Variants in SND1 observed in about 807,000 individuals in gnomAD.
SND1 encodes staphylococcal nuclease and tudor domain containing 1.
In SND1, 38 loss-of-function variants were observed where a neutral mutation model predicts 121.7. The observed-to-expected ratio is 0.31, with a 90% confidence interval of 0.24 to 0.41. The LOEUF is 0.41. Among genes scored for constraint, SND1 ranks in the 10% least tolerant of loss-of-function variants. SND1 has a pLI of 1.00. For synonymous variants in SND1, 401 were observed against 447.4 expected, an observed-to-expected ratio of 0.90 and a Z score of 1.31; for missense variants, 868 against 1,184.6, an observed-to-expected ratio of 0.73 and a Z score of 3.92.
chr7:127,745,465 TTTTG>T (rs1046803921), intron 10 of SND1, among the ~76,000 whole-genome samples: 11 of 152,330 alleles, frequency 7.2e-5, no homozygotes, highest in African/African-American at 2.6e-4. Flanking sequence ...ATTCAGATTT[TTTTG>T]TTTGTTTGTT....
intron 1 of SND1, among the ~76,000 whole-genome samples, chr7:127,656,690 G>A (rs569579770): frequency 2.0e-5 from 3 of 152,260 alleles, no homozygotes; most frequent in Non-Finnish European, 4.4e-5. Flanking sequence ...CGTGTACTTC[G>A]CTCATGCAGG....
chr7:127,979,985 G>GC (rs1270417463), intron 15 of SND1, among the ~76,000 whole-genome samples: 2 of 152,136 alleles, frequency 1.3e-5, no homozygotes, highest in Non-Finnish European at 2.9e-5. Flanking sequence ...CCCACAGCTG[G>GC]CCCAGGATTC....
intron 11 of SND1, among the ~76,000 whole-genome samples, chr7:127,815,527 A>G (rs1365781457): frequency 2.6e-5 from 4 of 151,936 alleles, no homozygotes; most frequent in Non-Finnish European, 5.9e-5. Context: ...AGAAGAAGAG[A>G]AGGAGGAGGA....
chr7:128,017,228 G>A (rs1026650363), intron 16 of SND1, among the ~76,000 whole-genome samples: 1 of 152,150 alleles, frequency 6.6e-6, no homozygotes, highest in Non-Finnish European at 1.5e-5. Context: ...TGGAGGTTAG[G>A]GTAGGGAGGT....
chr7:127,719,236 C>CCAGT (rs1403529247), intron 9 of SND1, among the ~76,000 whole-genome samples: 1 of 152,078 alleles, frequency 6.6e-6, no homozygotes, highest in Non-Finnish European at 1.5e-5. Flanking sequence ...TCTTTTTGGT[C>CCAGT]AATTGTCCAA....
At chr7:127,755,020 G>T (rs1309410070) in intron 10 of SND1, among the ~76,000 whole-genome samples, 3 of 152,156 alleles carry the variant, frequency 2.0e-5, no homozygotes, top group Non-Finnish European at 2.9e-5. Flanking sequence ...GCTCTACTTA[G>T]TTCAGGGGGC....
At chr7:127,990,013 A>G (rs767337468) in intron 15 of SND1, among the ~76,000 whole-genome samples, 1 of 152,162 alleles carries the variant, frequency 6.6e-6, no homozygotes, top group Non-Finnish European at 1.5e-5. Context: ...AGTATGAAGG[A>G]TAGGATTCTG....
intron 15 of SND1, among the ~76,000 whole-genome samples, chr7:127,929,917 G>A (rs2116820027): frequency 6.6e-6 from 1 of 152,330 alleles, no homozygotes; most frequent in South Asian, 2.1e-4. Flanking sequence ...CTGACTTAAT[G>A]TGTGTCTTAC....
chr7:127,660,009 CTTTTTTT>C (rs58679623), intron 1 of SND1, among the ~76,000 whole-genome samples: 1 of 133,734 alleles, frequency 7.5e-6, no homozygotes, highest in Non-Finnish European at 1.6e-5. Context: ...TGTTCCTATT[CTTTTTTT>C]TTTTTTTTTC....
chr7:127,799,782 T>G (rs1798095879), intron 10 of SND1, among the ~76,000 whole-genome samples: 1 of 152,206 alleles, frequency 6.6e-6, no homozygotes, highest in Non-Finnish European at 1.5e-5. Flanking sequence ...GTATTTTGAG[T>G]GGAGAGAATG....
At chr7:128,031,651 C>T (rs1173642456) in intron 16 of SND1, 1 of 147,194 alleles carries the variant, frequency 6.8e-6, no homozygotes, top group African/African-American at 2.4e-5. Flanking sequence ...CGGACCCGGT[C>T]CGCCGGCCGG....
intron 16 of SND1, chr7:128,030,821 C>G (rs1016066935): frequency 1.4e-6 from 1 of 706,316 alleles, no homozygotes; most frequent in South Asian, 2.3e-5. Flanking sequence ...TCGAGCGGCC[C>G]CTGGTCTCCC....
chr7:128,073,024 G>A (rs531743205), intron 16 of SND1, among the ~76,000 whole-genome samples: 2 of 152,328 alleles, frequency 1.3e-5, no homozygotes, highest in African/African-American at 4.8e-5. Context: ...GTGAGCTGCA[G>A]GGTCCCACGG....
intron 16 of SND1, among the ~76,000 whole-genome samples, chr7:128,013,172 T>C (rs913432437): frequency 2.0e-5 from 3 of 152,144 alleles, no homozygotes; most frequent in African/African-American, 7.2e-5. Context: ...GCCTCATCTG[T>C]GTTTCTTCAT....
intron 1 of SND1, among the ~76,000 whole-genome samples, chr7:127,684,295 T>A (rs1795776940): frequency 6.6e-6 from 1 of 152,190 alleles, no homozygotes; most frequent in Non-Finnish European, 1.5e-5. Context: ...GGGAATGCGT[T>A]ATTACTTTTT....
At chr7:128,044,718 G>A (rs1195271236) in intron 16 of SND1, among the ~76,000 whole-genome samples, 1 of 137,612 alleles carries the variant, frequency 7.3e-6, no homozygotes, top group African/African-American at 2.7e-5. Flanking sequence ...GAATCTTCAA[G>A]TTTAAGCCAT....
intron 15 of SND1, among the ~76,000 whole-genome samples, chr7:127,972,173 C>A (rs1802006975): frequency 6.6e-6 from 1 of 152,300 alleles, no homozygotes; most frequent in South Asian, 2.1e-4. Context: ...CCTGGTGCTC[C>A]CCTCAAAGAT....
intron 11 of SND1, among the ~76,000 whole-genome samples, chr7:127,808,365 A>C (rs756611461): frequency 2.0e-5 from 3 of 151,994 alleles, no homozygotes; most frequent in African/African-American, 7.2e-5. Context: ...GAGTTTCACC[A>C]TGGTGGCCAG....
rs1793676470 is a variant in SND1, at chr7:128,085,677, T to C, written c.2235-34T>C. The C allele has an allele frequency of 6.2e-7, 1 of 1,605,862 alleles. No individual in the cohort carries two copies. The highest frequency in any genetic ancestry group is 8.5e-7 in the Non-Finnish European group (1 of 1,172,676). ...TCTGGGAGCCCAGAGTCCTCAGGGC[T>C]GTCTCTTGAGCTCTGCCCATGATGC... is the stretch of plus-strand genomic sequence containing the variant. On this transcript the variant is annotated intron_variant, in intron 19 of 23. Coordinates refer to ENST00000354725, the MANE Select transcript of SND1 (RefSeq NM_014390.4). This position sits in a 1 kb window ranked among gnomAD's most constrained non-coding sequence, Gnocchi z 4.4.
Sources: allele counts gnomAD v4.1 joint callset (sites outside exome capture counted in the v4.1 genomes callset), GRCh38; gene constraint gnomAD v4.1.1; non-coding constraint Gnocchi (gnomAD v3.1); transcripts MANE v1.5; gene names NCBI Gene and HGNC (gene_info 2026-07-23, HGNC 2026-07-21).